The following PES1 variants were observed in gnomAD, a reference collection of about 807,000 sequenced individuals.
PES1 encodes pescadillo ribosomal biogenesis factor 1.
Under a neutral mutation model 77.1 loss-of-function variants are expected in PES1, and 31 were observed. That is an observed-to-expected ratio of 0.40 (90% CI 0.30 to 0.54). The LOEUF (loss-of-function observed/expected upper bound fraction) is 0.54. Ranked by LOEUF, PES1 falls within the 20% of genes least tolerant of loss-of-function variation. The pLI, the probability that PES1 is intolerant of heterozygous loss-of-function variation, is 0.45. For missense variants in PES1, 658 were observed against 771.7 expected (o/e 0.85, Z 1.75); for synonymous variants, 282 against 303.0 (o/e 0.93, Z 0.72).
At chr22:30,587,977 G>C (rs770006916) in intron 3 of PES1, 44 bp downstream of exon 3, 1 of 1,598,536 alleles carries the variant, frequency 6.3e-7, no homozygotes, top group East Asian at 2.2e-5. Flanking sequence ...GTGGGTCACA[G>C]AGCTGCGATG....
At chr22:30,586,142 C>T (rs1454862648) in intron 4 of PES1, among the ~76,000 whole-genome samples, 1 of 152,248 alleles carries the variant, frequency 6.6e-6, no homozygotes, top group East Asian at 1.9e-4. Context: ...CACATCACCA[C>T]ACTTGGTGTG....
chr22:30,577,236 C>G, intron 14 of PES1, 107 bp from the exon 15 acceptor site: 1 of 905,494 alleles, frequency 1.1e-6, no homozygotes, highest in Non-Finnish European at 1.8e-6. Flanking sequence ...AAGAAAAGGT[C>G]ACAAATTCTC....
chr22:30,587,411 A>C lies in PES1; in HGVS notation c.259-16T>G. 6.3e-7 allele frequency: 1 copy of C among 1,580,724 alleles called. No individual in the cohort carries two copies. The highest frequency in any genetic ancestry group is 8.7e-7 in the Non-Finnish European group (1 of 1,150,012). The stretch of plus-strand genomic sequence containing the variant: ...GGACGAACACCTGGAAGAAAGAAAG[A>C]AAACACCTCAATGCTGAGGCTCAGG... On this transcript the variant is annotated splice_polypyrimidine_tract_variant and intron_variant, in intron 3 of 14. Coordinates refer to ENST00000354694, the MANE Select transcript of PES1 (RefSeq NM_014303.4).
At chr22:30,604,548 G>A (rs575703513) in intron 2 of PES1, among the ~76,000 whole-genome samples, 4 of 152,138 alleles carry the variant, frequency 2.6e-5, no homozygotes, top group East Asian at 1.9e-4. Context: ...CAGGAGAATC[G>A]CTTGAACCCG....
In PES1 at chr22:30,598,032, C is replaced by T. The variant is rs908246073; in HGVS notation, c.-660-5634G>A. 2.6e-3 allele frequency among the ~76,000 whole-genome samples: 399 copies of T among 151,988 alleles called. 3 individuals are homozygous for T. The highest frequency in any genetic ancestry group is 9.0e-3 in the African/African-American group (374 of 41,438). On this transcript the variant is annotated intron_variant, in intron 2 of 16. Transcript: ENST00000402281. ...CCAAGTAGCTGGGACTACAGGCGCCCGCCACTACGCCCGGCTAGTTTTTTG... is the reference window on the plus strand; with the variant it reads ...CCAAGTAGCTGGGACTACAGGCGCCTGCCACTACGCCCGGCTAGTTTTTTG...
intron 6 of PES1, 58 bp downstream of exon 6, chr22:30,584,307 C>A (rs1282512836): frequency 2.3e-6 from 3 of 1,317,098 alleles, no homozygotes; most frequent in Non-Finnish European, 3.2e-6. Context: ...CCTTCCTCCA[C>A]ATCCATATCT....
At position 30,581,633 on chromosome 22, in the gene PES1, G is replaced by A. The variant is rs565165480; in HGVS notation, c.642C>T (p.Asp214=). 1.6e-5 allele frequency: 25 copies of A among 1,611,380 alleles called. 1 individual carries two copies. In the South Asian group the frequency reaches 1.8e-4, roughly 11 times the overall value. Residue 214 remains aspartate (D), a synonymous_variant, in exon 7 of 15, where the codon GAC becomes GAT. Transcript: ENST00000354694. Reference sequence around the variant, plus strand: ...AGGTGGCCATGACCCTGTAGTCCACGTCTGTCGGGTGCTGGGGAACACAAG... The same window carrying A: ...AGGTGGCCATGACCCTGTAGTCCACATCTGTCGGGTGCTGGGGAACACAAG... ...PYAFSHDHPT[D]VDYRVMATFT...
intron 2 of PES1, among the ~76,000 whole-genome samples, chr22:30,600,232 G>A (rs2087334638): frequency 6.6e-6 from 1 of 152,116 alleles, no homozygotes; most frequent in African/African-American, 2.4e-5. Context: ...TACTTGGGAG[G>A]ATGAGGTGCA....
intron 4 of PES1, chr22:30,585,313 C>A (rs2087064470): frequency 2.1e-6 from 1 of 471,446 alleles, no homozygotes; most frequent in Admixed American, 2.3e-5. Context: ...TTCGGGGAAT[C>A]CTCTGGTAAA....
chr22:30,588,153 G>A lies in PES1; in HGVS notation c.126C>T (p.Gly42=). Residue 42 remains glycine, a synonymous_variant, in exon 3 of 15, where the codon GGC becomes GGT. Coordinates refer to ENST00000354694, the MANE Select transcript of PES1 (RefSeq NM_014303.4). ...ADFRRLCILK[G]IYPHEPKHKK... is the part of the protein sequence containing the mutation. ...TGTGTTTGGGTTCATGGGGATAAAT[G>A]CCCTTCAGAATGCACAGCCGCCTGG... 2 of 1,614,158 alleles carry A rather than the reference G, an allele frequency of 1.2e-6. No individual in the cohort carries two copies. Among genetic ancestry groups the A allele is most frequent in the Non-Finnish European group, 1.7e-6 (2 of 1,180,020 alleles).
At chr22:30,593,931 G>C (rs16988814), upstream of PES1, among the ~76,000 whole-genome samples, 25,544 of 152,144 alleles carry the variant, frequency 0.17, 2,257 homozygotes, top group African/African-American at 0.19. Flanking sequence ...CTAACGTATA[G>C]TAGAAAGAAT....
upstream of PES1, among the ~76,000 whole-genome samples, chr22:30,595,448 G>A (rs1364476084): frequency 1.4e-5 from 2 of 146,514 alleles, no homozygotes; most frequent in African/African-American, 2.5e-5. Flanking sequence ...TGAGGCAGAA[G>A]AATGGCTTGA....
upstream of PES1, among the ~76,000 whole-genome samples, chr22:30,593,809 TCTC>T (rs1187065940): frequency 4.6e-5 from 7 of 152,178 alleles, no homozygotes; most frequent in African/African-American, 1.7e-4. Flanking sequence ...GGAAACTAAG[TCTC>T]AGGAAAGTAA....
chr22:30,579,135 A>T lies in PES1; in HGVS notation c.1521+2T>A. On this transcript the variant is annotated splice_donor_variant, in intron 13 of 14. Transcript: ENST00000354694. LOFTEE classifies it high-confidence loss of function. ...CAAGCCCCGCATTGCAGCTCCCCCTACCTTCCCCTCCATCCTCTGCTCTTC... is the reference window on the plus strand; with the variant it reads ...CAAGCCCCGCATTGCAGCTCCCCCTTCCTTCCCCTCCATCCTCTGCTCTTC... The T allele has an allele frequency of 6.2e-7, 1 of 1,606,976 alleles. No homozygotes were observed.
At chr22:30,578,713 A>G in intron 14 of PES1, 124 bp downstream of exon 14, 1 of 1,148,280 alleles carries the variant, frequency 8.7e-7, no homozygotes, top group Non-Finnish European at 1.2e-6. Flanking sequence ...CCAGGCAGGC[A>G]ACCTCAGGAA....
Position 30,584,550 on chromosome 22 carries a change from C to A in PES1, c.536G>T (p.Arg179Leu). The A allele has an allele frequency of 6.2e-7, 1 of 1,610,328 alleles. No individual in the cohort carries two copies. Reference sequence around the variant, plus strand: ...GCCGGGCAGTCCCAGGCTCACCTTGCGCAGGGCACGGGCAGCGATAATGTA... The same window carrying A: ...GCCGGGCAGTCCCAGGCTCACCTTGAGCAGGGCACGGGCAGCGATAATGTA... Reference protein sequence around the residue: ...MHYIIAARALRKVFLSIKGIY... With the variant: ...MHYIIAARALLKVFLSIKGIY... Residue 179 changes from arginine to leucine, a missense_variant, in exon 5 of 15, where the codon CGC (arginine) becomes CTC (leucine). Coordinates refer to ENST00000354694, the MANE Select transcript of PES1 (RefSeq NM_014303.4).
At chr22:30,578,093 G>T (rs886913434) in intron 14 of PES1, among the ~76,000 whole-genome samples, 5 of 152,152 alleles carry the variant, frequency 3.3e-5, no homozygotes, top group African/African-American at 1.2e-4. Context: ...GACCAGCCTG[G>T]CCAAGACAGT....
At chr22:30,594,636 A>T (rs1427144176), upstream of PES1, among the ~76,000 whole-genome samples, 1 of 151,486 alleles carries the variant, frequency 6.6e-6, no homozygotes, top group Non-Finnish European at 1.5e-5. Flanking sequence ...CAACATAGTG[A>T]TACCTTGTCT....
At chr22:30,598,884 A>ATTTTTTTTTTTTTTTT (rs1569031688) in intron 2 of PES1, among the ~76,000 whole-genome samples, 13 of 46,326 alleles carry the variant, frequency 2.8e-4, no homozygotes, top group African/African-American at 8.2e-4. Context: ...ACTTAAGTAA[A>ATTTTTTTTTTTTTTTT]ATTTTTTTTT....
Sources: gnomAD v4.1 joint callset for allele counts (sites outside exome capture counted in the v4.1 genomes callset) on GRCh38, gnomAD v4.1.1 for gene constraint, MANE v1.5 for transcripts, NCBI Gene and HGNC (gene_info 2026-07-23, HGNC 2026-07-21) for gene names.